The following MEI4 variants were observed in gnomAD, a reference collection of about 807,000 sequenced individuals.
MEI4 encodes meiosis-specific protein MEI4.
In MEI4, 27 loss-of-function variants were observed where a neutral mutation model predicts 31.4. The ratio of observed to expected loss-of-function variants is 0.86; its 90% CI spans 0.63 to 1.19. MEI4 has a LOEUF of 1.19. Among genes scored for constraint, MEI4 ranks in the 50% most tolerant of loss-of-function variants. MEI4 has a pLI of 0.00. For synonymous variants in MEI4, 122 were observed against 145.4 expected (o/e 0.84, Z 1.16); for missense variants, 329 against 398.9 (o/e 0.82, Z 1.49).
chr6:77,727,770 A>T (rs901927520), intron 2 of MEI4, among the ~76,000 whole-genome samples: 1 of 152,256 alleles, frequency 6.6e-6, no homozygotes, highest in Non-Finnish European at 1.5e-5. Context: ...TTGAAACCAG[A>T]ATCCATAAAC....
chr6:77,829,904 A>T (rs1369104125), intron 4 of MEI4, among the ~76,000 whole-genome samples: 1 of 152,098 alleles, frequency 6.6e-6, no homozygotes, highest in Non-Finnish European at 1.5e-5. Context: ...ATATTATGCA[A>T]TCTAATTGAA....
chr6:77,652,624 G>T (rs2127639808), upstream of MEI4, among the ~76,000 whole-genome samples: 1 of 152,282 alleles, frequency 6.6e-6, no homozygotes, highest in Non-Finnish European at 1.5e-5. Flanking sequence ...AATGTTAAAG[G>T]ATAGGAAGGA....
Position 77,655,236 on chromosome 6 carries a change from C to T in MEI4, c.-15+2144C>T, listed in dbSNP as rs186505776. On this transcript the variant is annotated intron_variant, in intron 1 of 4. Transcript: ENST00000684080. ...CATGTCCCTCCAAAGGACATGAACT[C>T]ATCCTTTTTTATGGCTGCATAGTAT... Among the ~76,000 whole-genome samples, 3 of 152,270 alleles carry T rather than the reference C, an allele frequency of 2.0e-5. No individual in the cohort carries two copies. In the East Asian group the frequency reaches 5.8e-4, roughly 29 times the overall value.
chr6:77,719,462 C>T (rs1425386308), intron 2 of MEI4, among the ~76,000 whole-genome samples: 1 of 51,866 alleles, frequency 1.9e-5, no homozygotes, highest in Non-Finnish European at 3.5e-5. Context: ...TGGTGCTCTC[C>T]CTAGGCAAAT....
intron 1 of MEI4, among the ~76,000 whole-genome samples, 173 bp downstream of exon 1, chr6:77,653,265 T>C (rs1442170455): frequency 1.3e-5 from 2 of 152,194 alleles, no homozygotes; most frequent in African/African-American, 4.8e-5. Flanking sequence ...TCATGCTACA[T>C]TGATTACCAT....
intron 4 of MEI4, among the ~76,000 whole-genome samples, chr6:77,894,343 CTTGA>C (rs1309644854): frequency 6.6e-6 from 1 of 151,786 alleles, no homozygotes; most frequent in African/African-American, 2.4e-5. Flanking sequence ...TCGCAACAAA[CTTGA>C]TTAAGAAAGG....
At chr6:77,669,079 C>T (rs1413360769) in intron 1 of MEI4, among the ~76,000 whole-genome samples, 3 of 152,164 alleles carry the variant, frequency 2.0e-5, no homozygotes, top group Non-Finnish European at 4.4e-5. Flanking sequence ...ATTTATCCTT[C>T]ATTTTCTGTT....
intron 2 of MEI4, among the ~76,000 whole-genome samples, chr6:77,700,563 C>T (rs974339654): frequency 2.0e-5 from 3 of 152,202 alleles, no homozygotes; most frequent in East Asian, 3.9e-4. Flanking sequence ...AGTGCCTTGC[C>T]CTGCTTCGGC....
At chr6:77,714,426 T>G (rs1011174357) in intron 2 of MEI4, among the ~76,000 whole-genome samples, 1 of 152,228 alleles carries the variant, frequency 6.6e-6, no homozygotes, top group Admixed American at 6.5e-5. Context: ...TATCATTTAC[T>G]TCTTTCTTTA....
In MEI4 at chr6:77,924,299, G is replaced by T. The variant is rs143187318; in HGVS notation, c.*953G>T. ...AAGTTAATTAGCATTCCTAAATGTC[G>T]TTGGCATTAAAAGTAATCTTGATAA... On this transcript the variant is annotated 3_prime_UTR_variant, in exon 5 of 5. Coordinates refer to ENST00000684080, the MANE Select transcript of MEI4 (RefSeq NM_001322247.2). The T allele has an allele frequency of 1.3e-5, 2 of 151,846 alleles. No homozygotes were observed. The highest frequency in any genetic ancestry group is 3.9e-4 in the East Asian group (2 of 5,136). 9.4% of individuals were successfully genotyped at this position (151,846 alleles called of 1,614,324 possible).
intron 3 of MEI4, among the ~76,000 whole-genome samples, chr6:77,796,270 C>G (rs552435825): frequency 6.6e-6 from 1 of 152,148 alleles, no homozygotes; most frequent in South Asian, 2.1e-4. Flanking sequence ...TAACATCATA[C>G]TCAGTGGTGA....
chr6:77,870,036 G>A (rs1452343579), intron 4 of MEI4, among the ~76,000 whole-genome samples: 1 of 151,992 alleles, frequency 6.6e-6, no homozygotes, highest in Non-Finnish European at 1.5e-5. Flanking sequence ...GGCTTCTCGG[G>A]GCTATCTTAT....
intron 4 of MEI4, among the ~76,000 whole-genome samples, chr6:77,852,506 A>C (rs572271720): frequency 1.5e-4 from 23 of 152,114 alleles, no homozygotes; most frequent in Middle Eastern, 3.4e-3. Flanking sequence ...AAAATACCAT[A>C]AACTGGGTTG....
intron 4 of MEI4, among the ~76,000 whole-genome samples, chr6:77,866,323 A>G (rs980331552): frequency 2.0e-5 from 3 of 152,174 alleles, no homozygotes; most frequent in African/African-American, 4.8e-5. Context: ...TTGTATATCT[A>G]GAAAACCCCA....
intron 2 of MEI4, among the ~76,000 whole-genome samples, chr6:77,759,133 T>A (rs561053508): frequency 2.0e-5 from 3 of 152,316 alleles, no homozygotes; most frequent in South Asian, 4.1e-4. Flanking sequence ...ACCTATTGTT[T>A]TGGTGGATTT....
At chr6:77,870,621 GGA>G (rs1771167099) in intron 4 of MEI4, among the ~76,000 whole-genome samples, 1 of 152,096 alleles carries the variant, frequency 6.6e-6, no homozygotes, top group African/African-American at 2.4e-5. Flanking sequence ...GACAGTTTTA[GGA>G]GAGAACATAT....
intron 4 of MEI4, among the ~76,000 whole-genome samples, chr6:77,846,318 GT>G (rs1010824549): frequency 6.6e-6 from 1 of 151,786 alleles, no homozygotes; most frequent in African/African-American, 2.4e-5. Context: ...CCTTATATAT[GT>G]TTTTTTGTCA....
rs1282362279 is a variant in MEI4, at chr6:77,913,249, T to G, written c.901-9840T>G. 5.3e-5 allele frequency among the ~76,000 whole-genome samples: 8 copies of G among 152,282 alleles called. No individual in the cohort carries two copies. In the East Asian group the frequency reaches 1.5e-3, roughly 29 times the overall value. On this transcript the variant is annotated intron_variant, in intron 4 of 4. Coordinates refer to ENST00000684080, the MANE Select transcript of MEI4 (RefSeq NM_001322247.2). Reference sequence around the variant, plus strand: ...TTATGTTTATTGACCTGTAGTTTTATTTATTTGTTACTTCTTTGCTGAATT... The same window carrying G: ...TTATGTTTATTGACCTGTAGTTTTAGTTATTTGTTACTTCTTTGCTGAATT...
chr6:77,910,734 T>G (rs913554863), intron 4 of MEI4, among the ~76,000 whole-genome samples: 1 of 152,096 alleles, frequency 6.6e-6, no homozygotes, highest in Non-Finnish European at 1.5e-5. Flanking sequence ...AACATGGTGA[T>G]GCAGGTATCC....
Sources: gnomAD v4.1 joint callset for allele counts (sites outside exome capture counted in the v4.1 genomes callset) on GRCh38, gnomAD v4.1.1 for gene constraint, MANE v1.5 for transcripts, NCBI Gene and HGNC (gene_info 2026-07-23, HGNC 2026-07-21) for gene names.